Variants in GPC6 observed in about 807,000 individuals in gnomAD.
GPC6 encodes glypican-6.
Under a neutral mutation model 55.2 loss-of-function variants are expected in GPC6, and 14 were observed. The observed-to-expected ratio is 0.25, with a 90% CI of 0.17 to 0.40. GPC6 has a LOEUF of 0.40. Among genes scored for constraint, GPC6 ranks in the 10% least tolerant of loss-of-function variants. The probability of loss-of-function intolerance (pLI) is 1.00; values close to 1 mark genes in which losing one functional copy is unlikely to be tolerated. For synonymous variants in GPC6, 278 were observed against 259.6 expected, an observed-to-expected ratio of 1.07 and a Z score of -0.68; for missense variants, 641 against 708.5, an observed-to-expected ratio of 0.90 and a Z score of 1.08.
At chr13:93,851,595 CTG>C (rs1888401502) in intron 3 of GPC6, among the ~76,000 whole-genome samples, 1 of 151,816 alleles carries the variant, frequency 6.6e-6, no homozygotes, top group African/African-American at 2.4e-5. Flanking sequence ...TTTCCACTGA[CTG>C]TAACCTTTAA....
intron 4 of GPC6, among the ~76,000 whole-genome samples, chr13:94,110,099 T>A (rs1197192191): frequency 6.7e-6 from 1 of 150,004 alleles, no homozygotes; most frequent in Non-Finnish European, 1.5e-5. Context: ...AAAAAAGCTG[T>A]AGTGATAGGC....
At chr13:93,681,463 A>G (rs1184976457) in intron 2 of GPC6, among the ~76,000 whole-genome samples, 3 of 152,190 alleles carry the variant, frequency 2.0e-5, no homozygotes, top group African/African-American at 4.8e-5. Flanking sequence ...ATTAAGGAAG[A>G]TACGGCAAGA....
chr13:94,136,323 T>C (rs1342195974), intron 4 of GPC6, among the ~76,000 whole-genome samples: 1 of 151,914 alleles, frequency 6.6e-6, no homozygotes, highest in Admixed American at 6.6e-5. Flanking sequence ...TCCTAGAGAA[T>C]ACAGTACAAG....
At chr13:93,888,502 A>G (rs923983847) in intron 3 of GPC6, among the ~76,000 whole-genome samples, 1 of 152,204 alleles carries the variant, frequency 6.6e-6, no homozygotes, top group African/African-American at 2.4e-5. Flanking sequence ...CAATATGTAG[A>G]GGACAGGTTA....
chr13:93,735,943 A>G (rs1490713445), intron 2 of GPC6, among the ~76,000 whole-genome samples: 1 of 152,188 alleles, frequency 6.6e-6, no homozygotes, highest in Non-Finnish European at 1.5e-5. Context: ...CCTTTTGCCT[A>G]TGGGCGTGAC....
intron 4 of GPC6, among the ~76,000 whole-genome samples, chr13:94,137,307 T>C (rs1887218329): frequency 2.0e-5 from 3 of 152,142 alleles, no homozygotes. Context: ...GGATAAGCTG[T>C]GTGGAGACAA....
chr13:94,060,142 C>A (rs1247955728), intron 4 of GPC6, among the ~76,000 whole-genome samples: 2 of 152,182 alleles, frequency 1.3e-5, no homozygotes, highest in Non-Finnish European at 2.9e-5. Context: ...TCTCCCAACA[C>A]TGTGATTTTA....
At chr13:94,316,456 G>A (rs530361666) in intron 6 of GPC6, among the ~76,000 whole-genome samples, 11 of 152,158 alleles carry the variant, frequency 7.2e-5, no homozygotes, top group East Asian at 1.9e-4. Context: ...GGTGGCTCAC[G>A]CCTGTAATCC....
chr13:94,268,750 G>A (rs776074549), intron 4 of GPC6, among the ~76,000 whole-genome samples: 78 of 152,094 alleles, frequency 5.1e-4, no homozygotes, highest in African/African-American at 1.8e-3. Context: ...GAACATCAAG[G>A]CCTGTGACAT....
At chr13:93,724,029 T>C (rs1228300666) in intron 2 of GPC6, among the ~76,000 whole-genome samples, 1 of 151,954 alleles carries the variant, frequency 6.6e-6, no homozygotes, top group Non-Finnish European at 1.5e-5. Context: ...GATATCATCA[T>C]GAAAAAAATT....
intron 2 of GPC6, among the ~76,000 whole-genome samples, chr13:93,623,450 C>CTTTTTTTTTTTT (rs1262712004): frequency 3.0e-5 from 2 of 66,248 alleles, no homozygotes; most frequent in African/African-American, 8.0e-5. Context: ...CTTTTCTTTT[C>CTTTTTTTTTTTT]TTTTCTTTTT....
intron 4 of GPC6, among the ~76,000 whole-genome samples, chr13:94,078,951 A>C (rs1156939347): frequency 1.3e-5 from 2 of 151,998 alleles, no homozygotes; most frequent in Non-Finnish European, 2.9e-5. Context: ...AAGAAAAAAA[A>C]ATTTTAGGTA....
intron 2 of GPC6, among the ~76,000 whole-genome samples, chr13:93,559,224 A>G (rs571441587): frequency 6.6e-6 from 1 of 152,336 alleles, no homozygotes; most frequent in South Asian, 2.1e-4. Context: ...TCAGTATGTG[A>G]AATCAGTTGT....
chr13:94,366,743 C>T (rs1180912155), intron 6 of GPC6, among the ~76,000 whole-genome samples: 2 of 152,080 alleles, frequency 1.3e-5, no homozygotes, highest in East Asian at 1.9e-4. Context: ...AGATAGAGGC[C>T]GAAGTTAGCC....
At chr13:93,378,341 G>A (rs572539570) in intron 1 of GPC6, among the ~76,000 whole-genome samples, 39 of 152,212 alleles carry the variant, frequency 2.6e-4, no homozygotes, top group Admixed American at 2.4e-3. Flanking sequence ...TGCTCCCTGC[G>A]TTTCTTCTAT....
In GPC6 at chr13:93,982,858, T is replaced by C. The variant is rs749825064; in HGVS notation, c.712-44871T>C. 7.9e-5 allele frequency among the ~76,000 whole-genome samples: 12 copies of C among 152,280 alleles called. No individual in the cohort carries two copies. The East Asian group carries it at 1.7e-3, about 22-fold the overall frequency. On this transcript the variant is annotated intron_variant, in intron 3 of 8. Transcript: ENST00000377047. ...GGTCAGACTGCAGCTCTACTTCCCA[T>C]AGCTATACTCAAAAGATTATAAGAT...
intron 2 of GPC6, among the ~76,000 whole-genome samples, chr13:93,594,258 C>T (rs1040278054): frequency 3.3e-5 from 5 of 151,510 alleles, no homozygotes; most frequent in South Asian, 4.2e-4. Flanking sequence ...CAGATTATTT[C>T]GTCACCCAGG....
chr13:93,265,361 C>G (rs1430030773), intron 1 of GPC6, among the ~76,000 whole-genome samples: 2 of 152,146 alleles, frequency 1.3e-5, no homozygotes, highest in African/African-American at 4.8e-5. Flanking sequence ...CCAAAATGCT[C>G]CAAAACTGGA....
intron 1 of GPC6, among the ~76,000 whole-genome samples, chr13:93,439,092 C>T (rs543536485): frequency 2.6e-4 from 39 of 152,242 alleles, no homozygotes; most frequent in East Asian, 3.9e-4. Flanking sequence ...TTAGACATAA[C>T]GCTATTGCAC....
Sources: allele counts gnomAD v4.1 joint callset (sites outside exome capture counted in the v4.1 genomes callset), GRCh38; gene constraint gnomAD v4.1.1; transcripts MANE v1.5; gene names NCBI Gene and HGNC (gene_info 2026-07-23, HGNC 2026-07-21).